DMD: variants seen among roughly 807,000 people sequenced by gnomAD.
DMD encodes the protein mutant dystrophin.
Under a neutral mutation model 330.1 loss-of-function variants are expected in DMD, and 63 were observed. The observed-to-expected ratio is 0.19, with a 90% CI of 0.16 to 0.24. The LOEUF (loss-of-function observed/expected upper bound fraction) is 0.24. DMD is among the 10% of genes least tolerant of loss of function. The pLI, the probability that DMD is intolerant of heterozygous loss-of-function variation, is 1.00. For synonymous variants in DMD, 1,223 were observed against 959.8 expected (o/e 1.27, Z -5.07); for missense variants, 3,344 against 2,684.1 (o/e 1.25, Z -5.43).
At chrX:31,543,391 G>A (rs1220061791) in intron 55 of DMD, among the ~76,000 whole-genome samples, 29 of 110,314 alleles carry the variant, frequency 2.6e-4, no homozygotes, top group Non-Finnish European at 1.3e-4. Context: ...GGATGGTCTC[G>A]AGCTCCTGAC....
At chrX:31,971,694 G>C (rs941501191) in intron 44 of DMD, among the ~76,000 whole-genome samples, 1 of 110,860 alleles carries the variant, frequency 9.0e-6, no homozygotes, top group Non-Finnish European at 1.9e-5. Flanking sequence ...GATAACACTG[G>C]GTTTACAAAA....
intron 42 of DMD, among the ~76,000 whole-genome samples, chrX:32,301,967 T>A (rs1420552369): frequency 9.0e-6 from 1 of 111,345 alleles, no homozygotes; most frequent in Admixed American, 9.6e-5. Context: ...TAATTTAGAG[T>A]TGCATTTCTG....
intron 52 of DMD, among the ~76,000 whole-genome samples, chrX:31,690,611 T>C (rs2083047287): frequency 8.9e-6 from 1 of 112,077 alleles, no homozygotes; most frequent in Non-Finnish European, 1.9e-5. Flanking sequence ...AGCTATCCCA[T>C]TACTGGGTAT....
chrX:32,183,645 C>T, intron 44 of DMD, among the ~76,000 whole-genome samples: 1 of 105,955 alleles, frequency 9.4e-6, no homozygotes, highest in South Asian at 4.1e-4. Context: ...ATGGAGATGA[C>T]ACTAATTTAT....
intron 1 of DMD, among the ~76,000 whole-genome samples, chrX:33,240,295 C>T (rs779911793): frequency 4.5e-5 from 5 of 111,766 alleles, no homozygotes; most frequent in Admixed American, 9.5e-5. Flanking sequence ...TTTCAGATTC[C>T]GCATAAAGTA....
At chrX:31,329,850 A>G (rs5971567) in intron 61 of DMD, among the ~76,000 whole-genome samples, 45,601 of 105,906 alleles carry the variant, frequency 0.43, 7,669 homozygotes, top group East Asian at 0.65. Context: ...GCGCACCTAT[A>G]GTCCCAGCTA....
intron 1 of DMD, among the ~76,000 whole-genome samples, chrX:33,147,524 ATTAAT>A (rs967776681): frequency 7.1e-5 from 8 of 112,216 alleles, no homozygotes; most frequent in Admixed American, 1.9e-4. Context: ...TGATGAAAAA[ATTAAT>A]TTAAGCATTT....
intron 1 of DMD, among the ~76,000 whole-genome samples, chrX:33,090,668 A>G (rs2095073587): frequency 9.1e-6 from 1 of 110,135 alleles, no homozygotes; most frequent in African/African-American, 3.3e-5. Flanking sequence ...ATGTCTAATT[A>G]TATATATCAA....
chrX:32,866,724 T>G (rs765513095), intron 2 of DMD, among the ~76,000 whole-genome samples: 15,807 of 38,265 alleles, frequency 0.41, 2,016 homozygotes, highest in Middle Eastern at 0.57. Flanking sequence ...CACTTTTTTT[T>G]GGGGGGGGGT....
chrX:32,002,550 A>G (rs995954525), intron 44 of DMD, among the ~76,000 whole-genome samples: 2 of 111,601 alleles, frequency 1.8e-5, no homozygotes, highest in Non-Finnish European at 3.8e-5. Flanking sequence ...CCATGATGAA[A>G]GCTTGTCTTT....
At chrX:33,018,345 A>C (rs992130751) in intron 2 of DMD, among the ~76,000 whole-genome samples, 1 of 111,652 alleles carries the variant, frequency 9.0e-6, no homozygotes, top group East Asian at 2.8e-4. Context: ...GAAAACAATA[A>C]ATGTGCTCAT....
At chrX:31,495,611 T>A (rs967303175) in intron 57 of DMD, among the ~76,000 whole-genome samples, 5 of 111,966 alleles carry the variant, frequency 4.5e-5, no homozygotes, top group Non-Finnish European at 7.5e-5. Context: ...TTATAAAAAT[T>A]GGTAAAATTG....
intron 44 of DMD, among the ~76,000 whole-genome samples, chrX:32,192,394 T>C (rs912936760): frequency 1.8e-5 from 2 of 111,520 alleles, no homozygotes; most frequent in African/African-American, 6.5e-5. Flanking sequence ...GCTAACCACA[T>C]CTCTCAGCAT....
intron 44 of DMD, among the ~76,000 whole-genome samples, chrX:32,212,645 G>A (rs1456740): frequency 0.26 from 28,634 of 110,911 alleles, 2,990 homozygotes; most frequent in East Asian, 0.44. Flanking sequence ...GATTGTCACT[G>A]TTTTGGTGGA....
chrX:32,363,034 A>AGAGCGAGT (rs1247596626), intron 36 of DMD, 76 bp from the exon 37 acceptor site: 2 of 968,218 alleles, frequency 2.1e-6, no homozygotes, highest in African/African-American at 3.8e-5. Flanking sequence ...AGAGCCAAAC[A>AGAGCGAGT]GAGCGAGTGA....
At chrX:32,175,081 G>T (rs1311729249) in intron 44 of DMD, among the ~76,000 whole-genome samples, 2 of 111,979 alleles carry the variant, frequency 1.8e-5, no homozygotes, top group Admixed American at 9.5e-5. Context: ...GACAAGACAT[G>T]TTGGAAACAC....
intron 53 of DMD, among the ~76,000 whole-genome samples, chrX:31,677,446 C>T (rs979948564): frequency 8.9e-6 from 1 of 112,173 alleles, no homozygotes; most frequent in African/African-American, 3.2e-5. Flanking sequence ...TACCAGTTAA[C>T]TACTTTGGTT....
At chrX:32,731,096 C>T (rs925285155) in intron 7 of DMD, among the ~76,000 whole-genome samples, 2 of 111,783 alleles carry the variant, frequency 1.8e-5, no homozygotes, top group African/African-American at 6.5e-5. Context: ...TTGCCTCACT[C>T]GGGAAGTGCA....
intron 59 of DMD, among the ~76,000 whole-genome samples, chrX:31,465,694 G>A (rs1437464344): frequency 8.9e-6 from 1 of 111,973 alleles, no homozygotes; most frequent in Non-Finnish European, 1.9e-5. Flanking sequence ...ATAGTAGAAT[G>A]ATTTATAATC....
Sources: allele counts gnomAD v4.1 joint callset (sites outside exome capture counted in the v4.1 genomes callset), GRCh38; gene constraint gnomAD v4.1.1; transcripts MANE v1.5; gene names NCBI Gene and HGNC (gene_info 2026-07-23, HGNC 2026-07-21).